The following TSPAN18 variants were observed in gnomAD, a reference collection of about 807,000 sequenced individuals.
The protein encoded by TSPAN18 is tetraspanin 18.
In TSPAN18, 14 loss-of-function variants were observed where a neutral mutation model predicts 27.3. That is an observed-to-expected ratio of 0.51 (90% CI 0.34 to 0.80). TSPAN18 has a LOEUF of 0.80. TSPAN18 is among the 30% of genes least tolerant of loss of function. The pLI is 0.01. For missense variants in TSPAN18, 268 were observed against 323.9 expected (o/e 0.83, Z 1.32); for synonymous variants, 143 against 136.5 (o/e 1.05, Z -0.33).
chr11:44,763,114 TC>T (rs1289152896), intron 1 of TSPAN18, among the ~76,000 whole-genome samples: 4 of 152,196 alleles, frequency 2.6e-5, no homozygotes, highest in African/African-American at 9.7e-5. Context: ...TGACACTTTC[TC>T]CTGGGGTTGT....
At chr11:44,808,785 C>T (rs1472763813) in intron 2 of TSPAN18, among the ~76,000 whole-genome samples, 2 of 152,078 alleles carry the variant, frequency 1.3e-5, no homozygotes, top group African/African-American at 4.8e-5. Context: ...GTCTCCCTCA[C>T]CGTGGTTTGT....
At chr11:44,807,780 C>G (rs543670130) in intron 2 of TSPAN18, among the ~76,000 whole-genome samples, 79 of 152,302 alleles carry the variant, frequency 5.2e-4, no homozygotes, top group Non-Finnish European at 7.2e-4. Context: ...CTTTGGACAT[C>G]AGTTTCCTCA....
At position 44,906,414 on chromosome 11, in the gene TSPAN18, A is replaced by G; in HGVS notation, c.-3A>G. 6.2e-7 allele frequency: 1 copy of G among 1,614,166 alleles called. No homozygotes were observed. Among genetic ancestry groups the G allele is most frequent in the Non-Finnish European group, 8.5e-7 (1 of 1,180,006 alleles). Reference sequence around the variant, plus strand: ...GTGGCCTTGTATTTCTAGGTGGAGCACCATGGAAGGCGACTGTCTGAGCTG... The same window carrying G: ...GTGGCCTTGTATTTCTAGGTGGAGCGCCATGGAAGGCGACTGTCTGAGCTG... On this transcript the variant is annotated 5_prime_UTR_variant, in exon 4 of 10. Coordinates refer to ENST00000520358, the MANE Select transcript of TSPAN18 (RefSeq NM_130783.5).
chr11:44,746,497 G>A (rs2082527703), intron 1 of TSPAN18, among the ~76,000 whole-genome samples: 2 of 152,222 alleles, frequency 1.3e-5, no homozygotes. Context: ...GCTCATGCCT[G>A]TAATCCTAAC....
At chr11:44,786,986 T>C (rs1457237234) in intron 2 of TSPAN18, among the ~76,000 whole-genome samples, 1 of 152,052 alleles carries the variant, frequency 6.6e-6, no homozygotes, top group Non-Finnish European at 1.5e-5. Flanking sequence ...CCATTTAGGG[T>C]GATCTTAGGA....
intron 9 of TSPAN18, 144 bp downstream of exon 9, chr11:44,926,901 C>A: frequency 1.3e-6 from 1 of 751,464 alleles, no homozygotes; most frequent in Non-Finnish European, 2.2e-6. Flanking sequence ...GGGTGGTAAG[C>A]CCGGCTGTGT....
chr11:44,726,628 G>A (rs1005194583), upstream of TSPAN18: 2 of 151,812 alleles, frequency 1.3e-5, no homozygotes, highest in South Asian at 4.2e-4. Context: ...TAAACACTTC[G>A]GGTCCAGCAT....
chr11:44,790,164 T>TGCATGTGTGTGTGC (rs1565150194), intron 2 of TSPAN18, among the ~76,000 whole-genome samples: 2 of 150,526 alleles, frequency 1.3e-5, no homozygotes, highest in Non-Finnish European at 3.0e-5. Context: ...TGTGTGTGTG[T>TGCATGTGTGTGTGC]GCATGTGTGT....
intron 3 of TSPAN18, among the ~76,000 whole-genome samples, chr11:44,881,012 C>T (rs192993718): frequency 6.6e-6 from 1 of 152,338 alleles, no homozygotes; most frequent in African/African-American, 2.4e-5. Flanking sequence ...CCTGGGAGAA[C>T]AGTAATGTTG....
At chr11:44,895,985 C>G (rs1754547525) in intron 3 of TSPAN18, among the ~76,000 whole-genome samples, 1 of 152,176 alleles carries the variant, frequency 6.6e-6, no homozygotes, top group South Asian at 2.1e-4. Context: ...ATCTCCAAGC[C>G]TCAATTTCAT....
At chr11:44,832,758 C>CCTGCAG (rs1372057241) in intron 2 of TSPAN18, among the ~76,000 whole-genome samples, 2 of 152,172 alleles carry the variant, frequency 1.3e-5, no homozygotes, top group Admixed American at 1.3e-4. Flanking sequence ...TTTGCCACAG[C>CCTGCAG]CTGCAGCCTT....
At chr11:44,789,874 T>C (rs114216506) in intron 2 of TSPAN18, among the ~76,000 whole-genome samples, 2,324 of 152,328 alleles carry the variant, frequency 0.015, 66 homozygotes, top group African/African-American at 0.053. Flanking sequence ...CTAATTCTTG[T>C]CTCTGTGGGG....
intron 2 of TSPAN18, among the ~76,000 whole-genome samples, chr11:44,808,308 TG>T (rs1168726466): frequency 6.6e-6 from 1 of 152,160 alleles, no homozygotes; most frequent in Non-Finnish European, 1.5e-5. Flanking sequence ...TCCAGCATCT[TG>T]AGGGTGGGTG....
At chr11:44,854,801 G>T (rs982669342) in intron 2 of TSPAN18, among the ~76,000 whole-genome samples, 1 of 152,080 alleles carries the variant, frequency 6.6e-6, no homozygotes, top group Non-Finnish European at 1.5e-5. Flanking sequence ...TCTGCTTCCT[G>T]GTCTATAAAA....
chr11:44,890,845 C>G (rs1332704130), intron 3 of TSPAN18, among the ~76,000 whole-genome samples: 1 of 150,524 alleles, frequency 6.6e-6, no homozygotes, highest in Non-Finnish European at 1.5e-5. Context: ...TTAAAAAAAG[C>G]ACTTGTATTA....
intron 1 of TSPAN18, among the ~76,000 whole-genome samples, chr11:44,750,493 G>A (rs1234921409): frequency 6.6e-6 from 1 of 152,210 alleles, no homozygotes. Context: ...AATAAAAATT[G>A]TGACCAGAGT....
intron 9 of TSPAN18, among the ~76,000 whole-genome samples, chr11:44,927,678 C>T (rs1712207893): frequency 6.6e-6 from 1 of 152,136 alleles, no homozygotes; most frequent in Admixed American, 6.5e-5. Flanking sequence ...TGAACAAGTC[C>T]CCTCATGGAG....
At chr11:44,920,070 C>T (rs926295219) in intron 8 of TSPAN18, 71 bp downstream of exon 8, 199 of 1,443,336 alleles carry the variant, frequency 1.4e-4, no homozygotes, top group South Asian at 2.7e-4. Flanking sequence ...GGGTGGGAGG[C>T]GCTATCACCC....
chr11:44,785,544 G>A (rs1349127350), intron 2 of TSPAN18, among the ~76,000 whole-genome samples: 2 of 150,674 alleles, frequency 1.3e-5, no homozygotes, highest in Non-Finnish European at 2.9e-5. Flanking sequence ...CCTGAAGCAG[G>A]CTTTTATCCC....
Sources: allele counts gnomAD v4.1 joint callset (sites outside exome capture counted in the v4.1 genomes callset), GRCh38; gene constraint gnomAD v4.1.1; transcripts MANE v1.5; gene names NCBI Gene and HGNC (gene_info 2026-07-23, HGNC 2026-07-21).